The following GYPB variants were observed in gnomAD, a reference collection of about 807,000 sequenced individuals.
GYPB encodes glycophorin B (MNS blood group), also known as glycophorin-B.
Under a neutral mutation model 15.3 loss-of-function variants are expected in GYPB, and 13 were observed. The observed-to-expected ratio is 0.85, with a 90% CI of 0.55 to 1.35. The LOEUF (loss-of-function observed/expected upper bound fraction) is 1.35, where lower values mean the gene tolerates loss of function less well. Ranked by LOEUF, GYPB falls within the 40% of genes most tolerant of loss-of-function variation. The probability of loss-of-function intolerance (pLI) is 0.00; values close to 1 mark genes in which losing one functional copy is unlikely to be tolerated. For missense variants in GYPB, 131 were observed against 108.3 expected (o/e 1.21, Z -0.93); for synonymous variants, 38 against 36.9 (o/e 1.03, Z -0.11).
At chr4:144,002,557 C>T (rs1400534678) in intron 1 of GYPB, 1 of 1,272,222 alleles carries the variant, frequency 7.9e-7, no homozygotes, top group African/African-American at 1.6e-5. Context: ...GTACCCTGAA[C>T]TCTGTAGATG....
At chr4:144,009,072 G>T (rs1728076940) in intron 1 of GYPB, among the ~76,000 whole-genome samples, 1 of 151,330 alleles carries the variant, frequency 6.6e-6, no homozygotes, top group Non-Finnish European at 1.5e-5. Context: ...GTTTCTTAGG[G>T]TTTTGTTTCC....
At chr4:144,006,308 A>C (rs1241071623) in intron 1 of GYPB, among the ~76,000 whole-genome samples, 1 of 151,946 alleles carries the variant, frequency 6.6e-6, no homozygotes, top group Non-Finnish European at 1.5e-5. Flanking sequence ...AGAACATTTC[A>C]CCTCTCTTGT....
At chr4:143,995,567 C>T (rs868324972), downstream of GYPB, among the ~76,000 whole-genome samples, 1 of 151,180 alleles carries the variant, frequency 6.6e-6, no homozygotes, top group Non-Finnish European at 1.5e-5. Flanking sequence ...ATTTCTGACC[C>T]AGCCATCTCA....
rs748913364 is a variant in GYPB, at chr4:143,996,173, G to A, written c.*126C>T. On this transcript the variant is annotated 3_prime_UTR_variant, in exon 5 of 5. Coordinates refer to ENST00000502664, the MANE Select transcript of GYPB (RefSeq NM_002100.6). ...CAGTAATAGTGAGGCAGGAGAACAG[G>A]GAATTAGGATAGCCAGGGGTAGGGG... is the stretch of plus-strand genomic sequence containing the variant. The A allele has an allele frequency of 1.3e-6, 2 of 1,532,010 alleles. No individual in the cohort carries two copies. Among genetic ancestry groups the A allele is most frequent in the East Asian group, 2.5e-5 (1 of 40,644 alleles). The allele number at this position is 1,532,010 out of a possible 1,614,324, so 94.9% of individuals were successfully genotyped here. A position where few individuals can be genotyped will look rare whatever the true frequency, so the allele number is the denominator to read the frequency against.
At chr4:144,000,137 T>A in intron 2 of GYPB, 1 of 112,482 alleles carries the variant, frequency 8.9e-6, no homozygotes, top group South Asian at 2.2e-4. Context: ...ATATGCTATG[T>A]TGTTTGATGA....
At chr4:144,018,519 A>G (rs1220671945) in intron 1 of GYPB, among the ~76,000 whole-genome samples, 1 of 151,276 alleles carries the variant, frequency 6.6e-6, no homozygotes. Context: ...ACACATAAGC[A>G]CTGCACTTGA....
chr4:144,010,666 A>G (rs895852354), intron 1 of GYPB, among the ~76,000 whole-genome samples: 3 of 151,396 alleles, frequency 2.0e-5, no homozygotes, highest in Admixed American at 1.3e-4. Context: ...GTTATACCCT[A>G]TCTGAATACC....
At chr4:144,002,765 C>T in intron 1 of GYPB, 1 of 1,086,634 alleles carries the variant, frequency 9.2e-7, no homozygotes, top group Non-Finnish European at 1.2e-6. Context: ...GGGAAGAGTT[C>T]TAAAACCTTT....
At chr4:143,997,139 T>C (rs1727365459) in intron 4 of GYPB, among the ~76,000 whole-genome samples, 1 of 151,212 alleles carries the variant, frequency 6.6e-6, no homozygotes, top group African/African-American at 2.5e-5. Flanking sequence ...ACTGCTGAGC[T>C]CAAGCAATCC....
intron 4 of GYPB, among the ~76,000 whole-genome samples, chr4:143,996,700 G>A (rs915931054): frequency 4.6e-5 from 7 of 150,634 alleles, no homozygotes; most frequent in African/African-American, 1.7e-4. Context: ...AACCAGGGAG[G>A]CAGAGGCTGC....
In GYPB at chr4:144,008,089, A is replaced by G. The variant is rs1308403209; in HGVS notation, c.38-6806T>C. ...TTTTAAAACAACTAGCTGAGACCCTATTGTTAGATGTTAATTATTCTTTGT... is the reference window on the plus strand; with the variant it reads ...TTTTAAAACAACTAGCTGAGACCCTGTTGTTAGATGTTAATTATTCTTTGT... On this transcript the variant is annotated intron_variant, in intron 1 of 4. Transcript: ENST00000502664. Among the ~76,000 whole-genome samples, 15 of 151,732 alleles carry G rather than the reference A, an allele frequency of 9.9e-5. 1 individual carries two copies. The highest frequency in any genetic ancestry group is 3.4e-3 in the Middle Eastern group (1 of 294).
At chr4:144,016,140 GAAAAAAAAAAAAAAAAA>G (rs10594193) in intron 1 of GYPB, among the ~76,000 whole-genome samples, 4 of 38,846 alleles carry the variant, frequency 1.0e-4, no homozygotes, top group African/African-American at 4.2e-4. Context: ...TTGGATCCCT[GAAAAAAAAAAAAAAAAA>G]AAAAAAAAAA....
chr4:144,018,732 G>GC (rs1553944662), intron 1 of GYPB, among the ~76,000 whole-genome samples: 2 of 149,554 alleles, frequency 1.3e-5, no homozygotes, highest in African/African-American at 5.0e-5. Context: ...AGTTGTTTTT[G>GC]TTTTTTTTCT....
In GYPB at chr4:144,018,097, G is replaced by C. The variant is rs147159685; in HGVS notation, c.37+1154C>G. ...TAATTCTAATCATAGAAAATGCGTA[G>C]TACGCTTAACATTTTACTTTGTTTC... On this transcript the variant is annotated intron_variant, in intron 1 of 4. Coordinates refer to ENST00000502664, the MANE Select transcript of GYPB (RefSeq NM_002100.6). Among the ~76,000 whole-genome samples, 55 of 151,310 alleles carry C rather than the reference G, an allele frequency of 3.6e-4. 3 individuals are homozygous for C. Among genetic ancestry groups the C allele is most frequent in the African/African-American group, 1.3e-3 (53 of 40,712 alleles).
chr4:143,998,685 G>A (rs1163482338), intron 3 of GYPB, among the ~76,000 whole-genome samples: 1 of 139,316 alleles, frequency 7.2e-6, no homozygotes, highest in African/African-American at 2.8e-5. Flanking sequence ...ATGAATCAAG[G>A]CTGAGATTTA....
intron 1 of GYPB, among the ~76,000 whole-genome samples, chr4:144,007,846 C>T (rs1728001629): frequency 6.6e-6 from 1 of 151,230 alleles, no homozygotes; most frequent in South Asian, 2.1e-4. Flanking sequence ...CCATATTGCC[C>T]ATACTAGCCT....
In GYPB at chr4:144,019,268, A is replaced by C; in HGVS notation, c.20T>G (p.Phe7Cys). 1 of 1,611,804 alleles carries C rather than the reference A, an allele frequency of 6.2e-7. No homozygotes were observed. The highest frequency in any genetic ancestry group is 8.5e-7 in the Non-Finnish European group (1 of 1,179,440). ...TCACTTACCTGACAATAGTAATACA[A>C]AGATTATTTTTCCATACATCCTGAG... MYGKII[F>C]VLLLSEIVSI... Residue 7 changes from phenylalanine (F) to cysteine (C), a missense_variant, in exon 1 of 5, where the codon TTT becomes TGT. Transcript: ENST00000502664.
At chr4:143,997,963 G>A (rs1164899867) in intron 3 of GYPB, among the ~76,000 whole-genome samples, 1 of 150,676 alleles carries the variant, frequency 6.6e-6, no homozygotes, top group Non-Finnish European at 1.5e-5. Context: ...TCAGATATGG[G>A]GAAAAAAACC....
At chr4:143,999,318 T>G in intron 3 of GYPB, 93 bp downstream of exon 3, 1 of 713,168 alleles carries the variant, frequency 1.4e-6, no homozygotes. Flanking sequence ...TGCTCTTCTG[T>G]TTTAAGATAG....
Sources: allele counts gnomAD v4.1 joint callset (sites outside exome capture counted in the v4.1 genomes callset), GRCh38; gene constraint gnomAD v4.1.1; transcripts MANE v1.5; gene names NCBI Gene and HGNC (gene_info 2026-07-23, HGNC 2026-07-21).